STAT5B: variants seen among roughly 807,000 people sequenced by gnomAD.
STAT5B encodes signal transducer and activator of transcription 5B, also known as transcription factor STAT5B.
Under a neutral mutation model 107.8 loss-of-function variants are expected in STAT5B, and 21 were observed. The ratio of observed to expected loss-of-function variants is 0.19; its 90% CI spans 0.14 to 0.28. STAT5B has a LOEUF of 0.28. STAT5B is among the 10% of genes least tolerant of loss of function. The pLI is 1.00. For missense variants in STAT5B, 565 were observed against 1,008.2 expected (o/e 0.56, Z 5.95); for synonymous variants, 325 against 401.7 (o/e 0.81, Z 2.28).
intron 1 of STAT5B, among the ~76,000 whole-genome samples, chr17:42,266,646 G>C (rs1438964668): frequency 6.6e-6 from 1 of 151,926 alleles, no homozygotes; most frequent in African/African-American, 2.4e-5. Flanking sequence ...AGGTTGAGGT[G>C]GGAGGTGTGG....
intron 1 of STAT5B, among the ~76,000 whole-genome samples, chr17:42,266,268 C>T (rs1261090544): frequency 6.6e-6 from 1 of 152,010 alleles, no homozygotes; most frequent in African/African-American, 2.4e-5. Context: ...GGGCTCACAC[C>T]TGCAGTCCCA....
chr17:42,286,541 A>T, the STAT5B span, among the ~76,000 whole-genome samples: 1 of 152,192 alleles, frequency 6.6e-6, no homozygotes, highest in African/African-American at 2.4e-5. Context: ...CTGCTGGAGC[A>T]ACAGGCCTCT....
chr17:42,284,155 T>A, the STAT5B span, among the ~76,000 whole-genome samples: 1 of 151,844 alleles, frequency 6.6e-6, no homozygotes, highest in Non-Finnish European at 1.5e-5. Context: ...CCAAGGAAGG[T>A]CAAGTCAAGG....
chr17:42,211,699 T>C (rs902616629), intron 13 of STAT5B, among the ~76,000 whole-genome samples: 1 of 152,048 alleles, frequency 6.6e-6, no homozygotes, highest in African/African-American at 2.4e-5. Flanking sequence ...TCAAAAGCTT[T>C]GCTTCTCATG....
At chr17:42,278,709 G>A (rs1019717934), upstream of STAT5B, among the ~76,000 whole-genome samples, 1 of 152,066 alleles carries the variant, frequency 6.6e-6, no homozygotes, top group African/African-American at 2.4e-5. Context: ...GGCCGGGCAC[G>A]GTGGCTCACG....
At chr17:42,253,976 G>A (rs1012558599) in intron 1 of STAT5B, among the ~76,000 whole-genome samples, 6 of 152,182 alleles carry the variant, frequency 3.9e-5, no homozygotes, top group Admixed American at 2.6e-4. Context: ...TGATGGTTCC[G>A]AATCTACCTG....
At position 42,218,448 on chromosome 17, in the gene STAT5B, G is replaced by A. The variant is rs2277620; in HGVS notation, c.990-118C>T. On this transcript the variant is annotated intron_variant, in intron 8 of 18. Coordinates refer to ENST00000293328, the MANE Select transcript of STAT5B (RefSeq NM_012448.4). ...GAGGGGCTCAGGAGGTGAAGAGCTC[G>A]GGCACAGCCTCTGTTCCTGGGGAAG... The A allele has an allele frequency of 8.4e-4, 1,251 of 1,480,930 alleles. 27 individuals carry two copies. The East Asian group carries it at 0.018, about 22-fold the overall frequency. 91.7% of individuals were successfully genotyped at this position (1,480,930 alleles called of 1,614,324 possible).
chr17:42,213,126 C>A (rs1329379244), intron 12 of STAT5B, among the ~76,000 whole-genome samples: 1 of 152,206 alleles, frequency 6.6e-6, no homozygotes, highest in Non-Finnish European at 1.5e-5. Context: ...TCATCTTTAG[C>A]TATTACTAAC....
intron 1 of STAT5B, among the ~76,000 whole-genome samples, chr17:42,232,743 T>C (rs1020625889): frequency 1.3e-5 from 2 of 152,146 alleles, no homozygotes; most frequent in Admixed American, 1.3e-4. Context: ...AGGGAAAGAA[T>C]TGCTAACTTT....
chr17:42,258,012 A>T (rs773347651), intron 1 of STAT5B, among the ~76,000 whole-genome samples: 1 of 152,324 alleles, frequency 6.6e-6, no homozygotes, highest in Non-Finnish European at 1.5e-5. Flanking sequence ...CTTAGAGCAT[A>T]ACAACTTTGT....
chr17:42,205,095 T>C (rs756157736), intron 16 of STAT5B, among the ~76,000 whole-genome samples: 7 of 152,200 alleles, frequency 4.6e-5, no homozygotes, highest in Non-Finnish European at 8.8e-5. Context: ...TGGTGTGATC[T>C]TGGCTCACTG....
chr17:42,241,259 G>A (rs951844572), intron 1 of STAT5B, among the ~76,000 whole-genome samples: 7 of 150,208 alleles, frequency 4.7e-5, no homozygotes, highest in South Asian at 2.1e-4. Context: ...AGAATCTCTT[G>A]AACCTGGGAG....
At chr17:42,203,097 A>G (rs1490838474) in intron 16 of STAT5B, 1 of 441,650 alleles carries the variant, frequency 2.3e-6, no homozygotes, top group Non-Finnish European at 4.2e-6. Flanking sequence ...ACACCACCAC[A>G]CTTTGGCTAA....
chr17:42,286,261 A>G, the STAT5B span, among the ~76,000 whole-genome samples: 2 of 149,972 alleles, frequency 1.3e-5, no homozygotes, highest in African/African-American at 2.5e-5. Flanking sequence ...AAAAACCCAG[A>G]AGGGGAAATG....
intron 16 of STAT5B, among the ~76,000 whole-genome samples, chr17:42,203,840 T>A (rs531899509): frequency 2.6e-5 from 4 of 152,182 alleles, no homozygotes; most frequent in Admixed American, 2.6e-4. Flanking sequence ...TTGGTCAGGC[T>A]GGTCTCGAAC....
At chr17:42,234,962 A>G (rs1044206808) in intron 1 of STAT5B, 1 of 152,258 alleles carries the variant, frequency 6.6e-6, no homozygotes, top group African/African-American at 2.4e-5. Context: ...AGGTGTTAGT[A>G]TTCCTAAGTA....
rs1222344270 is a variant in STAT5B at position 42,199,723 on chromosome 17, C to A, written c.*2015G>T. The A allele has an allele frequency of 6.6e-6, 1 of 152,618 alleles. No individual in the cohort carries two copies. Among genetic ancestry groups the A allele is most frequent in the Non-Finnish European group, 1.5e-5 (1 of 68,258 alleles). 9.5% of individuals were successfully genotyped at this position (152,618 alleles called of 1,614,324 possible). A position where few individuals can be genotyped will look rare whatever the true frequency, so the allele number is the denominator to read the frequency against. The stretch of plus-strand genomic sequence containing the variant: ...GGAAGCCACACTCATCAGCTCTCTT[C>A]CTCCCCAACCCAGTGCCAACTGCAA... On this transcript the variant is annotated 3_prime_UTR_variant, in exon 19 of 19. Transcript: ENST00000293328.
chr17:42,236,061 T>A (rs1036622914), intron 1 of STAT5B, among the ~76,000 whole-genome samples: 1 of 152,220 alleles, frequency 6.6e-6, no homozygotes, highest in Non-Finnish European at 1.5e-5. Context: ...TTAGAATTTG[T>A]AGAATATTTT....
In STAT5B at chr17:42,264,273, C is replaced by T. The variant is rs943584918; in HGVS notation, c.-11+11975G>A. On this transcript the variant is annotated intron_variant, in intron 1 of 18. Coordinates refer to ENST00000293328, the MANE Select transcript of STAT5B (RefSeq NM_012448.4). ...GCACATTGTGCAGGTTAGTTACATA[C>T]GTATACATGTGCCATGCTGGTGTGC... 5.3e-5 allele frequency among the ~76,000 whole-genome samples: 8 copies of T among 151,526 alleles called. No homozygotes were observed. The East Asian group carries it at 5.8e-4, about 11-fold the overall frequency.
Sources: allele counts gnomAD v4.1 joint callset (sites outside exome capture counted in the v4.1 genomes callset), GRCh38; gene constraint gnomAD v4.1.1; transcripts MANE v1.5; gene names NCBI Gene and HGNC (gene_info 2026-07-23, HGNC 2026-07-21).